SHROOM4: variants seen among roughly 807,000 people sequenced by gnomAD.
The protein encoded by SHROOM4 is shroom family member 4, also known as protein Shroom4.
SHROOM4 carries 17 observed loss-of-function variants against 80.3 expected under a neutral mutation model. The ratio of observed to expected loss-of-function variants is 0.21; its 90% CI spans 0.14 to 0.32. SHROOM4 has a LOEUF of 0.32. SHROOM4 is among the 10% of genes least tolerant of loss of function. The probability of loss-of-function intolerance (pLI) is 1.00; values close to 1 mark genes in which losing one functional copy is unlikely to be tolerated. For synonymous variants in SHROOM4, 400 were observed against 437.5 expected (o/e 0.91, Z 1.07); for missense variants, 993 against 1,140.3 (o/e 0.87, Z 1.86).
At chrX:50,769,006 TGAA>T (rs1213076179) in intron 1 of SHROOM4, among the ~76,000 whole-genome samples, 3 of 111,559 alleles carry the variant, frequency 2.7e-5, no homozygotes, top group African/African-American at 6.5e-5. Flanking sequence ...GGGTGAGACT[TGAA>T]GGAGATGTTG....
chrX:50,584,643 G>T (rs1275947558), downstream of SHROOM4, among the ~76,000 whole-genome samples: 1 of 111,605 alleles, frequency 9.0e-6, no homozygotes, highest in Non-Finnish European at 1.9e-5. Flanking sequence ...TTAGGAGACA[G>T]AATTGATAGG....
At chrX:50,699,583 T>C (rs1320514800) in intron 1 of SHROOM4, among the ~76,000 whole-genome samples, 3 of 112,468 alleles carry the variant, frequency 2.7e-5, no homozygotes, top group African/African-American at 9.7e-5. Context: ...CTGGTCTTTA[T>C]CCACTGTTTC....
At chrX:50,629,479 G>A (rs1357835118) in intron 4 of SHROOM4, among the ~76,000 whole-genome samples, 1 of 111,598 alleles carries the variant, frequency 9.0e-6, no homozygotes, top group Middle Eastern at 4.2e-3. Flanking sequence ...GTATAATCAC[G>A]ATAATAATAT....
chrX:50,776,885 T>A (rs1457519544), intron 1 of SHROOM4, among the ~76,000 whole-genome samples: 1 of 109,598 alleles, frequency 9.1e-6, no homozygotes, highest in African/African-American at 3.3e-5. Context: ...TGACGGGGTT[T>A]ACTATATTGC....
intron 2 of SHROOM4, among the ~76,000 whole-genome samples, chrX:50,684,241 A>C (rs1225219252): frequency 9.0e-6 from 1 of 111,665 alleles, no homozygotes; most frequent in Non-Finnish European, 1.9e-5. Context: ...AAGGCCACAT[A>C]GACACAGACA....
chrX:50,576,168 G>T, the SHROOM4 span, among the ~76,000 whole-genome samples: 1 of 111,926 alleles, frequency 8.9e-6, no homozygotes, highest in Admixed American at 9.5e-5. Flanking sequence ...TGGCCCATAA[G>T]AATGAAATGC....
At chrX:50,584,236 A>C (rs1262622918), downstream of SHROOM4, among the ~76,000 whole-genome samples, 3 of 112,566 alleles carry the variant, frequency 2.7e-5, no homozygotes, top group African/African-American at 9.7e-5. Flanking sequence ...ACCACTGAAA[A>C]CTGAGGGTCA....
intron 1 of SHROOM4, among the ~76,000 whole-genome samples, chrX:50,781,968 G>T (rs1935636122): frequency 1.8e-5 from 2 of 111,678 alleles, no homozygotes; most frequent in Admixed American, 1.9e-4. Flanking sequence ...CAGCACTTTG[G>T]GAGGCCAAGG....
At chrX:50,782,304 A>G (rs944905111) in intron 1 of SHROOM4, among the ~76,000 whole-genome samples, 1 of 106,678 alleles carries the variant, frequency 9.4e-6, no homozygotes, top group Non-Finnish European at 1.9e-5. Context: ...GACTATATAA[A>G]CCATTTTTTT....
intron 2 of SHROOM4, among the ~76,000 whole-genome samples, chrX:50,645,609 C>A (rs1931800785): frequency 9.0e-6 from 1 of 111,731 alleles, no homozygotes; most frequent in African/African-American, 3.3e-5. Flanking sequence ...AGTGTATACT[C>A]AAGAAATCCT....
downstream of SHROOM4, among the ~76,000 whole-genome samples, chrX:50,586,141 C>T (rs782775725): frequency 9.0e-6 from 1 of 111,388 alleles, no homozygotes; most frequent in East Asian, 2.8e-4. Flanking sequence ...TAAGTTTAGC[C>T]CAAATAAGAG....
chrX:50,795,141 T>TATG lies in SHROOM4; in HGVS notation c.117+18760_117+18761insCAT, dbSNP rs1557271991. Among the ~76,000 whole-genome samples, 8 of 2,316 alleles carry TATG rather than the reference T, an allele frequency of 3.5e-3. 2 individuals are homozygous for TATG. Among genetic ancestry groups the TATG allele is most frequent in the African/African-American group, 6.0e-3 (8 of 1,342 alleles). 2.0% of individuals were successfully genotyped at this position (2,316 alleles called of 115,157 possible). A position where few individuals can be genotyped will look rare whatever the true frequency, so the allele number is the denominator to read the frequency against. ...TATATATATATGATATATATATATA[T>TATG]ATATGATATATATATATATATATAT... On this transcript the variant is annotated intron_variant, in intron 1 of 8. Coordinates refer to ENST00000376020, the MANE Select transcript of SHROOM4 (RefSeq NM_020717.5).
intron 1 of SHROOM4, among the ~76,000 whole-genome samples, chrX:50,799,030 T>C (rs1367351304): frequency 8.9e-6 from 1 of 112,242 alleles, no homozygotes; most frequent in South Asian, 3.7e-4. Context: ...CTAGCAGCCA[T>C]GTCCTTCCTA....
At chrX:50,797,346 T>G (rs938223004) in intron 1 of SHROOM4, among the ~76,000 whole-genome samples, 3 of 111,988 alleles carry the variant, frequency 2.7e-5, no homozygotes, top group African/African-American at 9.7e-5. Context: ...AAAATAGAGA[T>G]AACCTTCTGT....
intron 5 of SHROOM4, among the ~76,000 whole-genome samples, chrX:50,610,313 A>G (rs1278014236): frequency 9.7e-6 from 1 of 103,359 alleles, no homozygotes; most frequent in Non-Finnish European, 1.9e-5. Context: ...CCTTTTGTGC[A>G]AACTGTTCCA....
chrX:50,709,052 G>A (rs1184559956), intron 1 of SHROOM4, among the ~76,000 whole-genome samples: 1 of 111,029 alleles, frequency 9.0e-6, no homozygotes, highest in Non-Finnish European at 1.9e-5. Flanking sequence ...CCAGAGGGGT[G>A]GGGGACGGAG....
chrX:50,700,175 A>G (rs1298707861), intron 1 of SHROOM4, among the ~76,000 whole-genome samples: 1 of 112,441 alleles, frequency 8.9e-6, no homozygotes, highest in Non-Finnish European at 1.9e-5. Context: ...AAGAAGGCAA[A>G]CAACATAATT....
chrX:50,726,016 C>T (rs958192705), intron 1 of SHROOM4, among the ~76,000 whole-genome samples: 1 of 111,687 alleles, frequency 9.0e-6, no homozygotes, highest in Non-Finnish European at 1.9e-5. Context: ...ACAATGAAGT[C>T]CACGCTGCGG....
intron 1 of SHROOM4, among the ~76,000 whole-genome samples, chrX:50,805,946 C>T (rs1557273005): frequency 9.2e-6 from 1 of 108,513 alleles, no homozygotes; most frequent in Non-Finnish European, 1.9e-5. Flanking sequence ...TACCCACCAC[C>T]CCTCCCCGCC....
Sources: allele counts gnomAD v4.1 joint callset (sites outside exome capture counted in the v4.1 genomes callset), GRCh38; gene constraint gnomAD v4.1.1; transcripts MANE v1.5; gene names NCBI Gene and HGNC (gene_info 2026-07-23, HGNC 2026-07-21).